PHC2: variants seen among roughly 807,000 people sequenced by gnomAD.
The protein encoded by PHC2 is polyhomeotic homolog 2.
A neutral mutation model predicts 87.4 loss-of-function variants in PHC2; 29 were observed. That is an observed-to-expected ratio of 0.33 (90% CI 0.25 to 0.45). PHC2 has a LOEUF of 0.45. PHC2 is among the 20% of genes least tolerant of loss of function. The pLI is 1.00. For missense variants in PHC2, 857 were observed against 1,136.7 expected, an observed-to-expected ratio of 0.75 and a Z score of 3.54; for synonymous variants, 438 against 461.7, an observed-to-expected ratio of 0.95 and a Z score of 0.66.
chr1:33,359,748 CAAGT>C (rs1392234928), intron 7 of PHC2, among the ~76,000 whole-genome samples: 1 of 152,104 alleles, frequency 6.6e-6, no homozygotes, highest in Non-Finnish European at 1.5e-5. Flanking sequence ...TTTCCCAGAG[CAAGT>C]AAGTGTTTAA....
At chr1:33,419,506 T>C (rs1650342954) in intron 1 of PHC2, among the ~76,000 whole-genome samples, 1 of 152,216 alleles carries the variant, frequency 6.6e-6, no homozygotes, top group African/African-American at 2.4e-5. Context: ...GTCTGTGTCT[T>C]CCTCTGCCTC....
chr1:33,373,076 C>T (rs138967399), intron 2 of PHC2, among the ~76,000 whole-genome samples: 1 of 152,316 alleles, frequency 6.6e-6, no homozygotes, highest in African/African-American at 2.4e-5. Context: ...CTGGGCCTTA[C>T]AGAGCAGGCC....
intron 14 of PHC2, among the ~76,000 whole-genome samples, chr1:33,327,359 G>C (rs1246861289): frequency 2.0e-5 from 3 of 152,156 alleles, no homozygotes; most frequent in Non-Finnish European, 4.4e-5. Context: ...TCAATGATGA[G>C]AGCCTGGACT....
chr1:33,345,111 G>C (rs1221257956), intron 9 of PHC2: 1 of 152,122 alleles, frequency 6.6e-6, no homozygotes, highest in Non-Finnish European at 1.5e-5. Context: ...AACTCAAGCA[G>C]TCACGAACTT....
In PHC2 at chr1:33,330,343, A is replaced by G. The variant is rs568256234; in HGVS notation, c.2007-131T>C. ...TGGTTCAGATCCTAACTCCATCACT[A>G]ACTACTAGCTGTGTGACTTTGGGTT... On this transcript the variant is annotated intron_variant, in intron 12 of 14. Coordinates refer to ENST00000683057, the MANE Select transcript of PHC2 (RefSeq NM_001385109.1). 33 of 905,822 alleles carry G rather than the reference A, an allele frequency of 3.6e-5. No individual in the cohort carries two copies. In the African/African-American group the frequency reaches 5.1e-4, roughly 14 times the overall value. 56.1% of individuals were successfully genotyped at this position (905,822 alleles called of 1,614,324 possible). A position where few individuals can be genotyped will look rare whatever the true frequency, so the allele number is the denominator to read the frequency against.
At chr1:33,344,584 A>G (rs1041654723) in intron 9 of PHC2, among the ~76,000 whole-genome samples, 4 of 152,166 alleles carry the variant, frequency 2.6e-5, no homozygotes, top group African/African-American at 7.2e-5. Context: ...AGGCCTCAAA[A>G]TATGGATTTA....
chr1:33,339,855 C>A (rs761397447), intron 9 of PHC2, among the ~76,000 whole-genome samples: 17 of 152,196 alleles, frequency 1.1e-4, no homozygotes, highest in Non-Finnish European at 2.2e-4. Context: ...GGTTGAGCAT[C>A]CCAAATCCAA....
At chr1:33,335,367 A>T in intron 9 of PHC2, 1 of 985,360 alleles carries the variant, frequency 1.0e-6, no homozygotes, top group Non-Finnish European at 1.2e-6. Flanking sequence ...TTCCTAAAAA[A>T]GAAAAGAAAA....
chr1:33,431,070 T>A lies in PHC2; in HGVS notation c.-149A>T, dbSNP rs983332792. 1.3e-5 allele frequency: 2 copies of A among 151,958 alleles called. No homozygotes were observed. The highest frequency in any genetic ancestry group is 1.3e-4 in the Admixed American group (2 of 15,288). The allele number at this position is 151,958 out of a possible 1,614,324, so 9.4% of individuals were successfully genotyped here. On this transcript the variant is annotated 5_prime_UTR_variant, in exon 1 of 15. Coordinates refer to ENST00000683057, the MANE Select transcript of PHC2 (RefSeq NM_001385109.1). ...CTCGGCTCGGCGCCGCGCACCCTGC[T>A]GGCTGCTCGGACGCTGCCCGCGGAG...
intron 1 of PHC2, among the ~76,000 whole-genome samples, chr1:33,422,450 A>G (rs749036829): frequency 2.8e-4 from 43 of 152,344 alleles, no homozygotes; most frequent in Middle Eastern, 6.8e-3. Flanking sequence ...GAAGGATACT[A>G]AAAGGATGGG....
chr1:33,429,994 G>A (rs944912907), intron 1 of PHC2, among the ~76,000 whole-genome samples: 2 of 152,162 alleles, frequency 1.3e-5, no homozygotes, highest in African/African-American at 4.8e-5. Context: ...TAGTATCAGT[G>A]GCGCATCTCT....
At chr1:33,346,446 T>C in intron 9 of PHC2, 1 of 985,246 alleles carries the variant, frequency 1.0e-6, no homozygotes, top group Non-Finnish European at 1.2e-6. Context: ...CTCATTTCCC[T>C]ACTCTCGTCT....
intron 12 of PHC2, 44 bp from the exon 13 acceptor site, chr1:33,330,256 C>G: frequency 6.2e-7 from 1 of 1,605,328 alleles, no homozygotes; most frequent in African/African-American, 1.3e-5. Context: ...AGTCATTGTG[C>G]TTATGGGCCG....
chr1:33,351,951 CAAAAAAAA>C (rs10718909), intron 9 of PHC2, among the ~76,000 whole-genome samples: 9 of 87,426 alleles, frequency 1.0e-4, no homozygotes, highest in African/African-American at 3.8e-4. Context: ...GAATGCATCT[CAAAAAAAA>C]AAAAAAAAAA....
intron 13 of PHC2, among the ~76,000 whole-genome samples, chr1:33,329,801 C>T (rs1007479914): frequency 1.3e-5 from 2 of 152,078 alleles, no homozygotes; most frequent in Non-Finnish European, 2.9e-5. Context: ...TTTCCGTGGC[C>T]CCAGAAGCCA....
intron 1 of PHC2, among the ~76,000 whole-genome samples, chr1:33,399,447 G>A (rs930542787): frequency 1.3e-5 from 2 of 152,188 alleles, no homozygotes; most frequent in South Asian, 4.1e-4. Flanking sequence ...AAAGCTCCAA[G>A]TTCTTGGCTC....
At chr1:33,353,216 A>G (rs1004829460) in intron 9 of PHC2, 28 of 152,234 alleles carry the variant, frequency 1.8e-4, no homozygotes, top group African/African-American at 6.5e-4. Context: ...TCAGATGTTT[A>G]GCCTGGAGAT....
chr1:33,333,623 T>C (rs1319805562), intron 10 of PHC2: 2 of 166,642 alleles, frequency 1.2e-5, no homozygotes, highest in African/African-American at 4.8e-5. Context: ...CTTCAGGTTG[T>C]GACCCTGTTT....
chr1:33,343,129 A>T (rs1449685408), intron 9 of PHC2, among the ~76,000 whole-genome samples: 3 of 152,202 alleles, frequency 2.0e-5, no homozygotes, highest in Admixed American at 2.0e-4. Flanking sequence ...GAATACACGC[A>T]GAAGCTGTGC....
Sources: gnomAD v4.1 joint callset for allele counts (sites outside exome capture counted in the v4.1 genomes callset) on GRCh38, gnomAD v4.1.1 for gene constraint, MANE v1.5 for transcripts, NCBI Gene and HGNC (gene_info 2026-07-23, HGNC 2026-07-21) for gene names.